DET1: variants seen among roughly 807,000 people sequenced by gnomAD.
DET1 encodes DET1 partner of COP1 E3 ubiquitin ligase.
Under a neutral mutation model 43.7 loss-of-function variants are expected in DET1, and 22 were observed. The ratio of observed to expected loss-of-function variants is 0.50; its 90% CI spans 0.36 to 0.72. The LOEUF (loss-of-function observed/expected upper bound fraction) is 0.72, where lower values mean the gene tolerates loss of function less well. Ranked by LOEUF, DET1 falls within the 30% of genes least tolerant of loss-of-function variation. DET1 has a pLI of 0.00. For missense variants in DET1, 713 were observed against 713.3 expected (o/e 1.00, Z 0.00); for synonymous variants, 315 against 266.2 (o/e 1.18, Z -1.79).
intron 1 of DET1, among the ~76,000 whole-genome samples, chr15:88,543,612 AG>A (rs1301941944): frequency 6.6e-6 from 1 of 152,260 alleles, no homozygotes; most frequent in African/African-American, 2.4e-5. Flanking sequence ...AGGCCGGTGC[AG>A]CTGTTACCAC....
chr15:88,520,877 G>A (rs536948765), intron 3 of DET1, among the ~76,000 whole-genome samples: 2 of 152,158 alleles, frequency 1.3e-5, no homozygotes, highest in Non-Finnish European at 2.9e-5. Flanking sequence ...GAATGCCATA[G>A]CTATTACTTA....
At chr15:88,541,577 CTG>C (rs2057107401) in intron 1 of DET1, among the ~76,000 whole-genome samples, 3 of 152,292 alleles carry the variant, frequency 2.0e-5, no homozygotes, top group Non-Finnish European at 2.9e-5. Flanking sequence ...TCCGGACACT[CTG>C]TGAAGTAGAA....
rs1328202867 is a variant in DET1 at position 88,527,699 on chromosome 15, C to G, written c.1171G>C (p.Glu391Gln). 5 of 1,613,858 alleles carry G rather than the reference C, an allele frequency of 3.1e-6. No homozygotes were observed. Among genetic ancestry groups the G allele is most frequent in the Non-Finnish European group, 3.4e-6 (4 of 1,179,818 alleles). Reference sequence around the variant, plus strand: ...TTACGAAAAAGGTCACAGAAGTTCTCAAAGAGCTCCAAAAGCTCATCTGAT... The same window carrying G: ...TTACGAAAAAGGTCACAGAAGTTCTGAAAGAGCTCCAAAAGCTCATCTGAT... ...NTSDELLELF[E>Q]NFCDLFRNAT... is the part of the protein sequence containing the mutation. The change falls in exon 3 of 5, where the codon GAG (glutamate) becomes CAG (glutamine). Residue 391 changes from glutamate to glutamine, a missense_variant. Coordinates refer to ENST00000268148, the MANE Select transcript of DET1 (RefSeq NM_001144074.3).
chr15:88,508,442 C>T (rs1468333652), downstream of DET1, among the ~76,000 whole-genome samples: 1 of 152,138 alleles, frequency 6.6e-6, no homozygotes, highest in Non-Finnish European at 1.5e-5. Context: ...TTTGGGTCTT[C>T]TGTTTTTGCA....
Position 88,527,691 on chromosome 15 carries a change from G to A in DET1, c.1179C>T (p.Phe393=). The A allele has an allele frequency of 6.2e-7, 1 of 1,613,908 alleles. No individual in the cohort carries two copies. Among genetic ancestry groups the A allele is most frequent in the Non-Finnish European group, 8.5e-7 (1 of 1,179,846 alleles). ...GGGTAGCATTACGAAAAAGGTCACA[G>A]AAGTTCTCAAAGAGCTCCAAAAGCT... The part of the protein sequence containing the change: ...SDELLELFEN[F]CDLFRNATLH... Residue 393 remains phenylalanine (F), a synonymous_variant, in exon 3 of 5, where the codon TTC becomes TTT. Transcript: ENST00000268148.
chr15:88,527,514 T>C, intron 3 of DET1, 85 bp downstream of exon 3: 1 of 1,287,526 alleles, frequency 7.8e-7, no homozygotes, highest in Non-Finnish European at 1.1e-6. Context: ...ACAGACAGAA[T>C]AAGAGGTTTC....
rs1253659583 is a variant in DET1 at position 88,512,786 on chromosome 15, A to G, written c.*165T>C. ...GTATTGTATACAATTTAAAAATTCC[A>G]TTAGGTTGAGCCACCCTCACTCCTC... is the stretch of plus-strand genomic sequence containing the variant. On this transcript the variant is annotated 3_prime_UTR_variant, in exon 5 of 5. Coordinates refer to ENST00000268148, the MANE Select transcript of DET1 (RefSeq NM_001144074.3). 2.2e-6 allele frequency: 3 copies of G among 1,394,108 alleles called. No homozygotes were observed. Among genetic ancestry groups the G allele is most frequent in the Non-Finnish European group, 2.8e-6 (3 of 1,075,432 alleles). The allele number at this position is 1,394,108 out of a possible 1,614,324, so 86.4% of individuals were successfully genotyped here. A position where few individuals can be genotyped will look rare whatever the true frequency, so the allele number is the denominator to read the frequency against.
intron 1 of DET1, chr15:88,536,180 C>T (rs1312215229): frequency 1.6e-6 from 1 of 617,896 alleles, no homozygotes; most frequent in Non-Finnish European, 2.9e-6. Context: ...TCTGTTTCAT[C>T]ATTCAAGTCT....
chr15:88,522,260 C>G (rs1308138146), intron 3 of DET1, among the ~76,000 whole-genome samples: 1 of 152,144 alleles, frequency 6.6e-6, no homozygotes, highest in Non-Finnish European at 1.5e-5. Flanking sequence ...GATGGTCCTG[C>G]CAATCTAAAA....
downstream of DET1, chr15:88,511,313 T>A: frequency 1.3e-6 from 1 of 773,264 alleles, no homozygotes; most frequent in Non-Finnish European, 1.6e-6. Context: ...TTCTACTACA[T>A]AAAACCCTAG....
chr15:88,541,930 C>T (rs570311618), intron 1 of DET1, among the ~76,000 whole-genome samples: 38 of 152,284 alleles, frequency 2.5e-4, no homozygotes, highest in African/African-American at 5.1e-4. Flanking sequence ...GCTGTGACCG[C>T]GCTGGGAGGA....
intron 3 of DET1, among the ~76,000 whole-genome samples, chr15:88,523,900 A>G (rs955910879): frequency 1.5e-5 from 2 of 135,358 alleles, no homozygotes; most frequent in African/African-American, 2.9e-5. Flanking sequence ...CTGGCCGCCC[A>G]TCGTCTGGGA....
intron 3 of DET1, among the ~76,000 whole-genome samples, chr15:88,519,089 C>A (rs7402984): frequency 0.69 from 105,158 of 152,004 alleles, 36,604 homozygotes; most frequent in South Asian, 0.8. Context: ...TCACCGACTC[C>A]CTGGCTTTCA....
intron 1 of DET1, among the ~76,000 whole-genome samples, chr15:88,541,651 C>T (rs1049673469): frequency 6.6e-6 from 1 of 152,216 alleles, no homozygotes; most frequent in Non-Finnish European, 1.5e-5. Context: ...ATTGTTCAAG[C>T]CGTGTGGCGG....
intron 1 of DET1, among the ~76,000 whole-genome samples, chr15:88,532,606 C>T (rs182940326): frequency 2.0e-5 from 3 of 152,170 alleles, no homozygotes; most frequent in Non-Finnish European, 4.4e-5. Flanking sequence ...AAGACAGACA[C>T]AGACCAATGA....
At position 88,521,624 on chromosome 15, in the gene DET1, C is replaced by T. The variant is rs185653024; in HGVS notation, c.1272-4651G>A. Among the ~76,000 whole-genome samples, 497 of 152,262 alleles carry T rather than the reference C, an allele frequency of 3.3e-3. 3 individuals are homozygous for T. Among genetic ancestry groups the T allele is most frequent in the Non-Finnish European group, 4.9e-3 (335 of 68,030 alleles). On this transcript the variant is annotated intron_variant, in intron 3 of 4. Coordinates refer to ENST00000268148, the MANE Select transcript of DET1 (RefSeq NM_001144074.3). ...TGAGAGGTAATCTTTTCAGACTTCA[C>T]AGGTTTGAAAATGTCTCCATTCCAC...
intron 4 of DET1, among the ~76,000 whole-genome samples, chr15:88,514,356 T>C (rs1205281113): frequency 6.6e-6 from 1 of 152,282 alleles, no homozygotes; most frequent in East Asian, 1.9e-4. Context: ...AATTAAAAAG[T>C]CCTATAATCT....
At position 88,531,452 on chromosome 15, in the gene DET1, T is replaced by A. The variant is rs571010505; in HGVS notation, c.254A>T (p.Tyr85Phe). 1.2e-6 allele frequency: 2 copies of A among 1,614,006 alleles called. No individual in the cohort carries two copies. Among genetic ancestry groups the A allele is most frequent in the African/African-American group, 2.7e-5 (2 of 75,034 alleles). ...FSSDQTSLEIYEYQGCQAAED... is the reference protein window; with the variant it reads ...FSSDQTSLEIFEYQGCQAAED... ...TGCTGCCTGGCAGCCCTGGTACTCATAGATTTCAAGAGATGTCTGGTCTGA... is the reference window on the plus strand; with the variant it reads ...TGCTGCCTGGCAGCCCTGGTACTCAAAGATTTCAAGAGATGTCTGGTCTGA... The change falls in exon 2 of 5, where the codon TAT (tyrosine) becomes TTT (phenylalanine). Residue 85 changes from tyrosine (Y) to phenylalanine (F), a missense_variant. Tyr to Phe is a conservative substitution (Grantham distance 22). Coordinates refer to ENST00000268148, the MANE Select transcript of DET1 (RefSeq NM_001144074.3). The surrounding 1 kb of genome is among the most constrained non-coding windows in gnomAD (Gnocchi z 6.2).
chr15:88,523,594 C>A (rs1470651414), intron 3 of DET1, among the ~76,000 whole-genome samples: 8 of 152,218 alleles, frequency 5.3e-5, no homozygotes, highest in Non-Finnish European at 1.0e-4. Flanking sequence ...CGCGCACCGC[C>A]ACGCCTGACT....
Sources: gnomAD v4.1 joint callset for allele counts (sites outside exome capture counted in the v4.1 genomes callset) on GRCh38, gnomAD v4.1.1 for gene constraint, Gnocchi (gnomAD v3.1) non-coding constraint, MANE v1.5 for transcripts, NCBI Gene and HGNC (gene_info 2026-07-23, HGNC 2026-07-21) for gene names.